The following NPW variants were observed in gnomAD, a reference collection of about 807,000 sequenced individuals.
The protein encoded by NPW is prepro-neuropeptide W.
NPW carries 8 observed loss-of-function variants against 9.9 expected under a neutral mutation model. The ratio of observed to expected loss-of-function variants is 0.81; its 90% CI spans 0.47 to 1.46. The LOEUF is 1.46. Among genes scored for constraint, NPW ranks in the 40% most tolerant of loss-of-function variants. The pLI, the probability that NPW is intolerant of heterozygous loss-of-function variation, is 0.00. For missense variants in NPW, 287 were observed against 240.3 expected (o/e 1.19, Z -1.28); for synonymous variants, 134 against 119.9 (o/e 1.12, Z -0.77).
At chr16:2,020,431 C>T in intron 1 of NPW, 102 bp from the exon 2 acceptor site, 3 of 1,294,662 alleles carry the variant, frequency 2.3e-6, no homozygotes, top group Non-Finnish European at 3.2e-6. Context: ...CCCTGCTCCG[C>T]GCCCAGAAGA....
At position 2,019,920 on chromosome 16, in the gene NPW, G is replaced by C; in HGVS notation, c.19G>C (p.Glu7Gln). The C allele has an allele frequency of 7.6e-7, 1 of 1,309,816 alleles. No homozygotes were observed. Among genetic ancestry groups the C allele is most frequent in the Non-Finnish European group, 9.7e-7 (1 of 1,029,754 alleles). The allele number at this position is 1,309,816 out of a possible 1,614,324, so 81.1% of individuals were successfully genotyped here. The change falls in exon 1 of 2, where the codon GAG becomes CAG. Residue 7 changes from glutamate (E) to glutamine (Q), a missense_variant. Coordinates refer to ENST00000566435, the MANE Select transcript of NPW (RefSeq NM_001099456.3). ...GAGCGCCCTGGCGTGGCGCCCAGGG[G>C]AGCGGGGGGCTCCCGCGAGCCGGCC... is the stretch of plus-strand genomic sequence containing the variant.
In NPW at chr16:2,020,123, C is replaced by G. The variant is rs747342280; in HGVS notation, c.222C>G (p.Ala74=). The G allele has an allele frequency of 1.3e-6, 2 of 1,551,392 alleles. No homozygotes were observed. Among genetic ancestry groups the G allele is most frequent in the East Asian group, 2.4e-5 (1 of 42,460 alleles). Residue 74 remains alanine, a synonymous_variant, in exon 1 of 2, where the codon GCC becomes GCG. Transcript: ENST00000566435. ...TGCGCGCGGCCGCCGGGCCCCTGGC[C>G]AGGGACACCCTCTCCCCCGAACCCG...
Position 2,019,843 on chromosome 16 carries a change from C to G in NPW, c.-59C>G, listed in dbSNP as rs976679763. The G allele has an allele frequency of 5.0e-6, 6 of 1,204,838 alleles. No homozygotes were observed. In the African/African-American group the frequency reaches 6.3e-5, roughly 13 times the overall value. 74.6% of individuals were successfully genotyped at this position (1,204,838 alleles called of 1,614,324 possible). Reference sequence around the variant, plus strand: ...GGGCGTCCCAACTCCACTGCGCGCCCAAACCCAGCCGAGCCGGTTCGTGGC... The same window carrying G: ...GGGCGTCCCAACTCCACTGCGCGCCGAAACCCAGCCGAGCCGGTTCGTGGC... On this transcript the variant is annotated 5_prime_UTR_variant, in exon 1 of 2. Transcript: ENST00000566435.
chr16:2,020,301 G>A lies in NPW; in HGVS notation c.400G>A (p.Gly134Arg). The change falls in exon 1 of 2, where the codon GGA becomes AGA. Residue 134 changes from glycine (G) to arginine (R), a missense_variant. Coordinates refer to ENST00000566435, the MANE Select transcript of NPW (RefSeq NM_001099456.3). ...GGAACCGGAGTCCCTGGACTTCAGC[G>A]GAGCTGGCCAGGTACGTGAGAGGGG... 1 of 1,509,518 alleles carries A rather than the reference G, an allele frequency of 6.6e-7. No homozygotes were observed. Among genetic ancestry groups the A allele is most frequent in the East Asian group, 2.5e-5 (1 of 40,178 alleles). The allele number at this position is 1,509,518 out of a possible 1,614,324, so 93.5% of individuals were successfully genotyped here.
rs764793237 is a variant in NPW, at chr16:2,020,243, G to A, written c.342G>A (p.Ala114=). The A allele has an allele frequency of 1.3e-6, 2 of 1,561,544 alleles. No homozygotes were observed. Among genetic ancestry groups the A allele is most frequent in the Non-Finnish European group, 8.6e-7 (1 of 1,157,080 alleles). Residue 114 remains alanine (A), a synonymous_variant, in exon 1 of 2, where the codon GCG becomes GCA. Coordinates refer to ENST00000566435, the MANE Select transcript of NPW (RefSeq NM_001099456.3). Reference sequence around the variant, plus strand: ...CCCAGGCAGGGATCCCCGTCCGTGCGCCCCGGAGCCCGCGCGCCCCAGAGC... The same window carrying A: ...CCCAGGCAGGGATCCCCGTCCGTGCACCCCGGAGCCCGCGCGCCCCAGAGC...
At position 2,020,123 on chromosome 16, in the gene NPW, C is replaced by A; in HGVS notation, c.222C>A (p.Ala74=). The A allele has an allele frequency of 6.4e-7, 1 of 1,551,506 alleles. No homozygotes were observed. Among genetic ancestry groups the A allele is most frequent in the Non-Finnish European group, 8.7e-7 (1 of 1,154,784 alleles). The stretch of plus-strand genomic sequence containing the variant: ...TGCGCGCGGCCGCCGGGCCCCTGGC[C>A]AGGGACACCCTCTCCCCCGAACCCG... Residue 74 remains alanine (A), a synonymous_variant, in exon 1 of 2, where the codon GCC becomes GCA. Coordinates refer to ENST00000566435, the MANE Select transcript of NPW (RefSeq NM_001099456.3).
At position 2,020,613 on chromosome 16, in the gene NPW, G is replaced by A. The variant is rs777646250; in HGVS notation, c.492G>A (p.Pro164=). Residue 164 remains proline, a synonymous_variant, in exon 2 of 2, where the codon CCG becomes CCA. Coordinates refer to ENST00000566435, the MANE Select transcript of NPW (RefSeq NM_001099456.3). ...GCCTGCCCTGCCTGGCCCCCGGACCGTTCTGACAGCGTCCCCCGCCCGCCC... is the reference window on the plus strand; with the variant it reads ...GCCTGCCCTGCCTGGCCCCCGGACCATTCTGACAGCGTCCCCCGCCCGCCC... 125 of 1,587,864 alleles carry A rather than the reference G, an allele frequency of 7.9e-5. No homozygotes were observed. Among genetic ancestry groups the A allele is most frequent in the Non-Finnish European group, 1.0e-4 (121 of 1,163,228 alleles).
intron 1 of NPW, 47 bp downstream of exon 1, chr16:2,020,359 C>A (rs1420121325): frequency 7.0e-7 from 1 of 1,426,820 alleles, no homozygotes; most frequent in Non-Finnish European, 9.3e-7. Context: ...AAGGGGGTCT[C>A]GGGAGGTCTG....
rs1197495034 is a variant in NPW, at chr16:2,020,634, C to T, written c.*15C>T. On this transcript the variant is annotated 3_prime_UTR_variant, in exon 2 of 2. Coordinates refer to ENST00000566435, the MANE Select transcript of NPW (RefSeq NM_001099456.3). ...GACCGTTCTGACAGCGTCCCCCGCC[C>T]GCCCGTGGCGCCTCCGCGCCTGACC... is the stretch of plus-strand genomic sequence containing the variant. 2.0e-6 allele frequency: 3 copies of T among 1,532,796 alleles called. No homozygotes were observed. Among genetic ancestry groups the T allele is most frequent in the Non-Finnish European group, 2.7e-6 (3 of 1,116,422 alleles). The allele number at this position is 1,532,796 out of a possible 1,614,324, so 94.9% of individuals were successfully genotyped here.
Position 2,020,046 on chromosome 16 carries a change from G to T in NPW, c.145G>T (p.Ala49Ser), listed in dbSNP as rs1227394774. The T allele has an allele frequency of 2.0e-6, 3 of 1,504,484 alleles. No homozygotes were observed. Among genetic ancestry groups the T allele is most frequent in the Non-Finnish European group, 1.8e-6 (2 of 1,133,108 alleles). 93.2% of individuals were successfully genotyped at this position (1,504,484 alleles called of 1,614,324 possible). Residue 49 changes from alanine (A) to serine (S), a missense_variant, in exon 1 of 2, where the codon GCT becomes TCT. Coordinates refer to ENST00000566435, the MANE Select transcript of NPW (RefSeq NM_001099456.3). ...CCGCTACCACACGGTGGGCCGCGCC[G>T]CTGGCCTGCTCATGGGGCTGCGTCG...
Position 2,019,979 on chromosome 16 carries a change from G to A in NPW, c.78G>A (p.Leu26=). The change falls in exon 1 of 2, where the codon CTG becomes CTA. Residue 26 remains leucine, a synonymous_variant. Coordinates refer to ENST00000566435, the MANE Select transcript of NPW (RefSeq NM_001099456.3). ...CACTGCTGCTGCTTCTGCTCCTGCTGCCGCTGCCCTCCGGCGCGTGGTACA... is the reference window on the plus strand; with the variant it reads ...CACTGCTGCTGCTTCTGCTCCTGCTACCGCTGCCCTCCGGCGCGTGGTACA... 1 of 1,435,650 alleles carries A rather than the reference G, an allele frequency of 7.0e-7. No homozygotes were observed. The highest frequency in any genetic ancestry group is 9.1e-7 in the Non-Finnish European group (1 of 1,094,356). 88.9% of individuals were successfully genotyped at this position (1,435,650 alleles called of 1,614,324 possible).
chr16:2,019,850 A>G lies in NPW; in HGVS notation c.-52A>G. On this transcript the variant is annotated 5_prime_UTR_variant, in exon 1 of 2. Transcript: ENST00000566435. ...CCAACTCCACTGCGCGCCCAAACCC[A>G]GCCGAGCCGGTTCGTGGCCCGCCCC... The G allele has an allele frequency of 8.3e-7, 1 of 1,206,166 alleles. No individual in the cohort carries two copies. The highest frequency in any genetic ancestry group is 1.0e-6 in the Non-Finnish European group (1 of 972,672). The allele number at this position is 1,206,166 out of a possible 1,614,324, so 74.7% of individuals were successfully genotyped here. A position where few individuals can be genotyped will look rare whatever the true frequency, so the allele number is the denominator to read the frequency against.
chr16:2,020,358 T>G, intron 1 of NPW, 46 bp downstream of exon 1: 1 of 1,426,868 alleles, frequency 7.0e-7, no homozygotes, highest in Non-Finnish European at 9.3e-7. Context: ...CAAGGGGGTC[T>G]CGGGAGGTCT....
Position 2,020,066 on chromosome 16 carries a change from G to A in NPW, c.165G>A (p.Leu55=), listed in dbSNP as rs1451493361. Reference sequence around the variant, plus strand: ...GCGCCGCTGGCCTGCTCATGGGGCTGCGTCGCTCACCCTATCTGTGGCGCC... The same window carrying A: ...GCGCCGCTGGCCTGCTCATGGGGCTACGTCGCTCACCCTATCTGTGGCGCC... The change falls in exon 1 of 2, where the codon CTG becomes CTA. Residue 55 remains leucine, a synonymous_variant. Coordinates refer to ENST00000566435, the MANE Select transcript of NPW (RefSeq NM_001099456.3). The A allele has an allele frequency of 1.3e-6, 2 of 1,501,778 alleles. No homozygotes were observed. Among genetic ancestry groups the A allele is most frequent in the Admixed American group, 2.2e-5 (1 of 45,476 alleles). The allele number at this position is 1,501,778 out of a possible 1,614,324, so 93.0% of individuals were successfully genotyped here.
In NPW at chr16:2,020,628, C is replaced by T. The variant is rs747124016; in HGVS notation, c.*9C>T. On this transcript the variant is annotated 3_prime_UTR_variant, in exon 2 of 2. Coordinates refer to ENST00000566435, the MANE Select transcript of NPW (RefSeq NM_001099456.3). ...CCCCCGGACCGTTCTGACAGCGTCCCCCGCCCGCCCGTGGCGCCTCCGCGC... is the reference window on the plus strand; with the variant it reads ...CCCCCGGACCGTTCTGACAGCGTCCTCCGCCCGCCCGTGGCGCCTCCGCGC... 12 of 1,561,016 alleles carry T rather than the reference C, an allele frequency of 7.7e-6. No homozygotes were observed. Among genetic ancestry groups the T allele is most frequent in the Non-Finnish European group, 1.1e-5 (12 of 1,141,360 alleles).
At position 2,019,982 on chromosome 16, in the gene NPW, G is replaced by GCTGCCC; in HGVS notation, c.82_87dup (p.Leu28_Pro29dup). ...TGCTGCTGCTTCTGCTCCTGCTGCC[G>GCTGCCC]CTGCCCTCCGGCGCGTGGTACAAGC... On this transcript the variant is annotated inframe_insertion, in exon 1 of 2. Transcript: ENST00000566435. 7.0e-7 allele frequency: 1 copy of GCTGCCC among 1,437,504 alleles called. No homozygotes were observed. 89.0% of individuals were successfully genotyped at this position (1,437,504 alleles called of 1,614,324 possible).
chr16:2,019,963 T>TGCTTCTGCTCCTGCTGCC lies in NPW; in HGVS notation c.66_83dup (p.Leu23_Leu28dup). ...AGCCGGCCGCGGCTGGCACTGCTGC[T>TGCTTCTGCTCCTGCTGCC]GCTTCTGCTCCTGCTGCCGCTGCCC... On this transcript the variant is annotated inframe_insertion, in exon 1 of 2. Transcript: ENST00000566435. 2.1e-6 allele frequency: 3 copies of TGCTTCTGCTCCTGCTGCC among 1,414,516 alleles called. No homozygotes were observed. The highest frequency in any genetic ancestry group is 2.8e-6 in the Non-Finnish European group (3 of 1,082,510). The allele number at this position is 1,414,516 out of a possible 1,614,324, so 87.6% of individuals were successfully genotyped here. A position where few individuals can be genotyped will look rare whatever the true frequency, so the allele number is the denominator to read the frequency against.
rs2083833579 is a variant in NPW at position 2,020,626 on chromosome 16, C to T, written c.*7C>T. Reference sequence around the variant, plus strand: ...GGCCCCCGGACCGTTCTGACAGCGTCCCCCGCCCGCCCGTGGCGCCTCCGC... The same window carrying T: ...GGCCCCCGGACCGTTCTGACAGCGTTCCCCGCCCGCCCGTGGCGCCTCCGC... On this transcript the variant is annotated 3_prime_UTR_variant, in exon 2 of 2. Coordinates refer to ENST00000566435, the MANE Select transcript of NPW (RefSeq NM_001099456.3). 6.4e-7 allele frequency: 1 copy of T among 1,563,704 alleles called. No individual in the cohort carries two copies. Among genetic ancestry groups the T allele is most frequent in the South Asian group, 1.1e-5 (1 of 89,352 alleles).
rs1158878025 is a variant in NPW at position 2,020,091 on chromosome 16, C to T, written c.190C>T (p.Arg64Cys). The T allele has an allele frequency of 8.0e-6, 12 of 1,496,940 alleles. No individual in the cohort carries two copies. Among genetic ancestry groups the T allele is most frequent in the Non-Finnish European group, 8.8e-6 (10 of 1,132,470 alleles). The allele number at this position is 1,496,940 out of a possible 1,614,324, so 92.7% of individuals were successfully genotyped here. A position where few individuals can be genotyped will look rare whatever the true frequency, so the allele number is the denominator to read the frequency against. The change falls in exon 1 of 2, where the codon CGC becomes TGC. Residue 64 changes from arginine to cysteine, a missense_variant. Transcript: ENST00000566435. ...GCGTCGCTCACCCTATCTGTGGCGC[C>T]GCGCGCTGCGCGCGGCCGCCGGGCC...
Sources: gnomAD v4.1 joint callset for allele counts on GRCh38, gnomAD v4.1.1 for gene constraint, MANE v1.5 for transcripts, NCBI Gene and HGNC (gene_info 2026-07-23, HGNC 2026-07-21) for gene names.